USP39: variants seen among roughly 807,000 people sequenced by gnomAD.
USP39 encodes ubiquitin carboxyl-terminal hydrolase 39.
In USP39, 38 loss-of-function variants were observed where a neutral mutation model predicts 66.4. The ratio of observed to expected loss-of-function variants is 0.57; its 90% CI spans 0.44 to 0.75. The LOEUF is 0.75. Among genes scored for constraint, USP39 ranks in the 30% least tolerant of loss-of-function variants. The pLI is 0.00. For synonymous variants in USP39, 303 were observed against 274.6 expected (o/e 1.10, Z -1.02); for missense variants, 608 against 714.4 (o/e 0.85, Z 1.70).
chr2:85,632,033 C>T (rs988885719), intron 6 of USP39, among the ~76,000 whole-genome samples: 7 of 152,272 alleles, frequency 4.6e-5, no homozygotes, highest in Middle Eastern at 3.4e-3. Flanking sequence ...TGAGCCACTG[C>T]GCCCGGCCTC....
At chr2:85,638,041 G>A (rs1249289496) in intron 8 of USP39, among the ~76,000 whole-genome samples, 2 of 148,516 alleles carry the variant, frequency 1.3e-5, no homozygotes, top group Admixed American at 6.8e-5. Flanking sequence ...TCTTTTTTGA[G>A]ATGGAGTTTT....
At chr2:85,620,255 C>G (rs989128221) in intron 2 of USP39, among the ~76,000 whole-genome samples, 24 of 151,852 alleles carry the variant, frequency 1.6e-4, no homozygotes, top group African/African-American at 5.6e-4. Context: ...CTGAGGCAGG[C>G]AGATTGCTTG....
chr2:85,611,844 G>A (rs774783380), upstream of USP39: 4 of 1,601,228 alleles, frequency 2.5e-6, no homozygotes, highest in Non-Finnish European at 3.4e-6. Flanking sequence ...CAGGCCAGGA[G>A]TGGTGGCGGC....
rs1246226185 is a variant in USP39, at chr2:85,644,939, C to T, written c.1428-9C>T. The T allele has an allele frequency of 1.2e-6, 2 of 1,613,700 alleles. No individual in the cohort carries two copies. The highest frequency in any genetic ancestry group is 1.7e-6 in the Non-Finnish European group (2 of 1,179,872). ...CTGATTATTCCGGCTTTATTTTAACCATTAACAGAAATGTGGATCTGAGAG... is the reference window on the plus strand; with the variant it reads ...CTGATTATTCCGGCTTTATTTTAACTATTAACAGAAATGTGGATCTGAGAG... On this transcript the variant is annotated splice_polypyrimidine_tract_variant and intron_variant, in intron 10 of 12. Coordinates refer to ENST00000323701, the MANE Select transcript of USP39 (RefSeq NM_006590.4).
chr2:85,624,411 T>C (rs541883605), intron 4 of USP39, among the ~76,000 whole-genome samples: 201 of 152,130 alleles, frequency 1.3e-3, no homozygotes, highest in African/African-American at 4.6e-3. Flanking sequence ...AGTGGTGCCA[T>C]CACAGCTCAC....
chr2:85,635,968 A>G (rs779489095), intron 6 of USP39, 85 bp from the exon 7 acceptor site: 36 of 1,299,404 alleles, frequency 2.8e-5, no homozygotes, highest in Middle Eastern at 1.8e-4. Flanking sequence ...GAAGGGGGAG[A>G]ACCAGGAATG....
At chr2:85,611,996 G>C, upstream of USP39, 1 of 1,513,358 alleles carries the variant, frequency 6.6e-7, no homozygotes, top group Non-Finnish European at 8.8e-7. Context: ...AGGAGCCGGG[G>C]ACGCAGAGTC....
At chr2:85,636,977 T>C (rs1675823948) in intron 7 of USP39, among the ~76,000 whole-genome samples, 1 of 152,234 alleles carries the variant, frequency 6.6e-6, no homozygotes, top group Non-Finnish European at 1.5e-5. Flanking sequence ...TGTCCTCTTG[T>C]CTTCATTACA....
In USP39 at chr2:85,637,369, C is replaced by A; in HGVS notation, c.1028C>A (p.Thr343Asn). The change falls in exon 8 of 13, where the codon ACT becomes AAT. Residue 343 changes from threonine to asparagine, a missense_variant and splice_region_variant. By Grantham distance (65) the Thr-to-Asn change is moderately conservative (BLOSUM62 0). Around this residue, in one of 6 missense-constraint regions of USP39, gnomAD observed 72 missense variants for 60.1 expected, o/e 1.20. Transcript: ENST00000323701. ...TGTCTCTTGCTTCCTGTTTGTGCAG[C>A]TATTGTGACTGATGTTTTCCAGGGG... is the stretch of plus-strand genomic sequence containing the variant. ...ALGGTKKKKK[T>N]IVTDVFQGSM... The A allele has an allele frequency of 1.9e-6, 3 of 1,614,166 alleles. No individual in the cohort carries two copies. Among genetic ancestry groups the A allele is most frequent in the Non-Finnish European group, 2.5e-6 (3 of 1,180,020 alleles).
intron 10 of USP39, among the ~76,000 whole-genome samples, chr2:85,644,439 T>C (rs1676488549): frequency 1.3e-5 from 2 of 152,120 alleles, no homozygotes; most frequent in Non-Finnish European, 1.5e-5. Flanking sequence ...CTTCTTCCTT[T>C]TGGGGGTTTT....
At chr2:85,636,758 G>T (rs1307661537) in intron 7 of USP39, among the ~76,000 whole-genome samples, 1 of 152,160 alleles carries the variant, frequency 6.6e-6, no homozygotes, top group African/African-American at 2.4e-5. Flanking sequence ...TGCCCAAAGT[G>T]CTAGGATTAT....
At chr2:85,616,539 C>G in intron 1 of USP39, 76 bp downstream of exon 1, 11 of 882,710 alleles carry the variant, frequency 1.2e-5, no homozygotes, top group Non-Finnish European at 1.4e-5. Flanking sequence ...TAATCTTCCG[C>G]TAGGTCACTG....
chr2:85,629,988 G>T (rs1675200367), intron 5 of USP39, among the ~76,000 whole-genome samples: 2 of 151,994 alleles, frequency 1.3e-5, no homozygotes, highest in Non-Finnish European at 2.9e-5. Flanking sequence ...ATTTCAGTAG[G>T]TTTTTGGGGA....
intron 7 of USP39, among the ~76,000 whole-genome samples, chr2:85,636,518 A>G (rs561212783): frequency 1.3e-5 from 2 of 152,130 alleles, no homozygotes; most frequent in Admixed American, 6.6e-5. Flanking sequence ...TATTATATAT[A>G]TATTTTGAGA....
At position 85,637,402 on chromosome 2, in the gene USP39, G is replaced by A. The variant is rs1675858359; in HGVS notation, c.1061G>A (p.Arg354Lys). ...IVTDVFQGSMRIFTKKLPHPD... is the reference protein window; with the variant it reads ...IVTDVFQGSMKIFTKKLPHPD... The stretch of plus-strand genomic sequence containing the variant: ...ACTGATGTTTTCCAGGGGTCCATGA[G>A]GATCTTCACTAAAAAGCTTCCCCAT... The change falls in exon 8 of 13, where the codon AGG becomes AAG. Residue 354 changes from arginine (R) to lysine (K), a missense_variant. Arg to Lys is a conservative substitution (Grantham distance 26, BLOSUM62 2). This residue lies in a region of USP39 where 72 missense variants were observed against 60.1 expected (regional missense o/e 1.20). Coordinates refer to ENST00000323701, the MANE Select transcript of USP39 (RefSeq NM_006590.4). The A allele has an allele frequency of 6.2e-7, 1 of 1,614,144 alleles. No individual in the cohort carries two copies. Among genetic ancestry groups the A allele is most frequent in the African/African-American group, 1.3e-5 (1 of 75,036 alleles).
intron 8 of USP39, among the ~76,000 whole-genome samples, chr2:85,638,504 T>C (rs1407788581): frequency 6.6e-6 from 1 of 151,340 alleles, no homozygotes; most frequent in Non-Finnish European, 1.5e-5. Flanking sequence ...GGGCTAATTT[T>C]TATTTTTATT....
In USP39 at chr2:85,616,342, C is replaced by A. The variant is rs1181257368; in HGVS notation, c.147C>A (p.Arg49=). ...EAASSRGSPV[R]VKREFEPASA... is the part of the protein sequence containing the mutation. ...CGAGCTCCCGGGGCAGCCCTGTGCG[C>A]GTGAAGCGGGAGTTCGAGCCGGCGA... Residue 49 remains arginine (R), a synonymous_variant, in exon 1 of 13, where the codon CGC becomes CGA. Coordinates refer to ENST00000323701, the MANE Select transcript of USP39 (RefSeq NM_006590.4). 1.3e-5 allele frequency: 21 copies of A among 1,601,122 alleles called. No individual in the cohort carries two copies. The highest frequency in any genetic ancestry group is 1.8e-5 in the Non-Finnish European group (21 of 1,174,118).
chr2:85,645,034 A>C lies in USP39; in HGVS notation c.1514A>C (p.His505Pro), dbSNP rs1475493159. 1 of 1,614,196 alleles carries C rather than the reference A, an allele frequency of 6.2e-7. No homozygotes were observed. The change falls in exon 11 of 13, where the codon CAT becomes CCT. Residue 505 changes from histidine (H) to proline (P), a missense_variant. Coordinates refer to ENST00000323701, the MANE Select transcript of USP39 (RefSeq NM_006590.4). The part of the protein sequence containing the change: ...TTYDLIANIV[H>P]DGKPSEGSYR... Reference sequence around the variant, plus strand: ...TATGACCTCATTGCCAACATCGTGCATGACGGCAAGCCCTCCGAGGGCTCC... The same window carrying C: ...TATGACCTCATTGCCAACATCGTGCCTGACGGCAAGCCCTCCGAGGGCTCC...
intron 1 of USP39, among the ~76,000 whole-genome samples, chr2:85,617,142 G>T (rs1465242687): frequency 2.1e-5 from 3 of 143,992 alleles, no homozygotes; most frequent in Non-Finnish European, 4.5e-5. Context: ...TTTAAGAGAA[G>T]CAAGTCTCGC....
Sources: gnomAD v4.1 joint callset for allele counts (sites outside exome capture counted in the v4.1 genomes callset) on GRCh38, gnomAD v4.1.1 for gene constraint, gnomAD v4.1.1 regional missense constraint, MANE v1.5 for transcripts, NCBI Gene and HGNC (gene_info 2026-07-23, HGNC 2026-07-21) for gene names.